Variants in RBFOX1 observed in about 807,000 individuals in gnomAD.
RBFOX1 encodes RNA binding fox-1 homolog 1.
Under a neutral mutation model 57.7 loss-of-function variants are expected in RBFOX1, and 8 were observed. The ratio of observed to expected loss-of-function variants is 0.14; its 90% CI spans 0.08 to 0.25. The LOEUF is 0.25. Among genes scored for constraint, RBFOX1 ranks in the 10% least tolerant of loss-of-function variants. The pLI, the probability that RBFOX1 is intolerant of heterozygous loss-of-function variation, is 1.00. For missense variants in RBFOX1, 611 were observed against 548.5 expected (o/e 1.11, Z -1.14); for synonymous variants, 326 against 222.4 (o/e 1.47, Z -4.15).
At chr16:6,311,942 A>C (rs2080369085) in intron 1 of RBFOX1, among the ~76,000 whole-genome samples, 1 of 152,172 alleles carries the variant, frequency 6.6e-6, no homozygotes. Flanking sequence ...ATTTGGCTTC[A>C]GGGTCCTTTC....
intron 4 of RBFOX1, among the ~76,000 whole-genome samples, chr16:5,900,790 C>T (rs917416488): frequency 6.6e-6 from 1 of 152,108 alleles, no homozygotes; most frequent in African/African-American, 2.4e-5. Flanking sequence ...CCTTCCTCTC[C>T]CTAGAAGAAT....
At chr16:7,099,283 A>T (rs2062238041) in intron 4 of RBFOX1, among the ~76,000 whole-genome samples, 1 of 152,158 alleles carries the variant, frequency 6.6e-6, no homozygotes, top group African/African-American at 2.4e-5. Context: ...GCAGTGGGAA[A>T]TGGCTCAAAA....
intron 3 of RBFOX1, among the ~76,000 whole-genome samples, chr16:6,801,479 A>G: frequency 6.6e-6 from 1 of 152,188 alleles, no homozygotes; most frequent in East Asian, 1.9e-4. Flanking sequence ...AAGATTATTG[A>G]GCCAGTTTAT....
chr16:5,644,848 C>T (rs1215887499), intron 3 of RBFOX1, among the ~76,000 whole-genome samples: 2 of 152,110 alleles, frequency 1.3e-5, no homozygotes, highest in Admixed American at 6.5e-5. Flanking sequence ...CCGCCATGAA[C>T]GTTCATGTGC....
intron 3 of RBFOX1, among the ~76,000 whole-genome samples, chr16:6,788,123 G>C (rs1415791313): frequency 6.6e-6 from 1 of 152,182 alleles, no homozygotes; most frequent in Non-Finnish European, 1.5e-5. Flanking sequence ...TGGGAAGGCT[G>C]AGGCAGGAGA....
At chr16:6,256,324 A>G (rs1320997731) in intron 1 of RBFOX1, among the ~76,000 whole-genome samples, 1 of 142,834 alleles carries the variant, frequency 7.0e-6, no homozygotes, top group African/African-American at 2.6e-5. Flanking sequence ...TATATATATA[A>G]GGCAGTCAGA....
chr16:7,054,545 T>TGGGCGGG (rs1555823211), intron 4 of RBFOX1, among the ~76,000 whole-genome samples: 2 of 108,404 alleles, frequency 1.8e-5, no homozygotes, highest in African/African-American at 2.9e-5. Context: ...CAAACCTGGG[T>TGGGCGGG]GGGGGGGCAT....
At chr16:6,953,412 A>G (rs1301576913) in intron 3 of RBFOX1, among the ~76,000 whole-genome samples, 1 of 151,734 alleles carries the variant, frequency 6.6e-6, no homozygotes, top group Non-Finnish European at 1.5e-5. Flanking sequence ...TTTGAGATAG[A>G]GTCTTGCTTT....
intron 4 of RBFOX1, among the ~76,000 whole-genome samples, chr16:6,009,722 A>G (rs1036881443): frequency 6.6e-6 from 1 of 151,902 alleles, no homozygotes; most frequent in Non-Finnish European, 1.5e-5. Flanking sequence ...CCTATCCACA[A>G]GTTATTCTGT....
intron 4 of RBFOX1, among the ~76,000 whole-genome samples, chr16:5,978,848 T>C (rs1019824541): frequency 3.3e-5 from 5 of 151,572 alleles, no homozygotes; most frequent in African/African-American, 9.7e-5. Context: ...TCTCATCATA[T>C]AGCGAGAGCT....
chr16:5,382,179 C>G (rs938248986), intron 1 of RBFOX1, among the ~76,000 whole-genome samples: 1 of 152,324 alleles, frequency 6.6e-6, no homozygotes, highest in East Asian at 1.9e-4. Context: ...TTCAGGCCAT[C>G]TAAGAGTTAA....
At chr16:5,724,221 A>C (rs1203328181) in intron 3 of RBFOX1, among the ~76,000 whole-genome samples, 5 of 152,300 alleles carry the variant, frequency 3.3e-5, no homozygotes, top group Admixed American at 6.5e-5. Flanking sequence ...GCAAAGACCC[A>C]AGGGCTGGAA....
intron 3 of RBFOX1, among the ~76,000 whole-genome samples, chr16:7,011,865 G>A (rs915893656): frequency 1.3e-5 from 2 of 152,182 alleles, no homozygotes; most frequent in Admixed American, 6.5e-5. Flanking sequence ...GAAGGAGTGG[G>A]ATGCCTTTGG....
intron 4 of RBFOX1, among the ~76,000 whole-genome samples, chr16:5,908,253 CACAT>C (rs1187314505): frequency 4.9e-4 from 72 of 147,914 alleles, no homozygotes; most frequent in African/African-American, 1.7e-3. Flanking sequence ...TACATACACA[CACAT>C]ATATACACAT....
chr16:6,700,662 AAAT>A (rs957583180), intron 3 of RBFOX1, among the ~76,000 whole-genome samples: 1 of 152,068 alleles, frequency 6.6e-6, no homozygotes, highest in Non-Finnish European at 1.5e-5. Context: ...TCATCTCAAA[AAAT>A]AATAATAATA....
At chr16:6,984,498 G>A (rs1412694743) in intron 3 of RBFOX1, among the ~76,000 whole-genome samples, 1 of 152,100 alleles carries the variant, frequency 6.6e-6, no homozygotes, top group African/African-American at 2.4e-5. Flanking sequence ...GTTACTTGCA[G>A]CCTAAAGTCT....
chr16:6,731,289 A>T (rs1349885372), intron 3 of RBFOX1, among the ~76,000 whole-genome samples: 1 of 152,196 alleles, frequency 6.6e-6, no homozygotes, highest in Non-Finnish European at 1.5e-5. Context: ...ACAACTAAAA[A>T]GGACACAAAA....
intron 3 of RBFOX1, among the ~76,000 whole-genome samples, chr16:6,973,575 C>T (rs867653717): frequency 7.9e-5 from 12 of 152,086 alleles, no homozygotes; most frequent in Middle Eastern, 3.4e-3. Flanking sequence ...TCTTTCTTCC[C>T]GAGGGGATTG....
chr16:5,681,389 C>CTTT (rs1003773008), intron 3 of RBFOX1, among the ~76,000 whole-genome samples: 1 of 126,526 alleles, frequency 7.9e-6, no homozygotes, highest in Non-Finnish European at 1.7e-5. Flanking sequence ...CAGCTTTTTT[C>CTTT]TTTTTTTTTT....
Sources: gnomAD v4.1 joint callset for allele counts (sites outside exome capture counted in the v4.1 genomes callset) on GRCh38, gnomAD v4.1.1 for gene constraint, MANE v1.5 for transcripts, NCBI Gene and HGNC (gene_info 2026-07-23, HGNC 2026-07-21) for gene names.